The following CCDC136 variants were observed in gnomAD, a reference collection of about 807,000 sequenced individuals.
CCDC136 encodes coiled-coil domain-containing protein 136.
Under a neutral mutation model 141.2 loss-of-function variants are expected in CCDC136, and 100 were observed. That is an observed-to-expected ratio of 0.71 (90% CI 0.60 to 0.84). CCDC136 has a LOEUF of 0.84. Among genes scored for constraint, CCDC136 ranks in the 40% least tolerant of loss-of-function variants. The probability of loss-of-function intolerance (pLI) is 0.00; values close to 1 mark genes in which losing one functional copy is unlikely to be tolerated. For synonymous variants in CCDC136, 474 were observed against 531.9 expected, an observed-to-expected ratio of 0.89 and a Z score of 1.50; for missense variants, 1,206 against 1,379.4, an observed-to-expected ratio of 0.87 and a Z score of 1.99.
chr7:128,805,362 A>G lies in CCDC136; in HGVS notation c.786A>G (p.Thr262=), dbSNP rs1386979286. The G allele has an allele frequency of 1.2e-6, 2 of 1,613,598 alleles. No homozygotes were observed. Among genetic ancestry groups the G allele is most frequent in the East Asian group, 2.2e-5 (1 of 44,900 alleles). Residue 262 remains threonine, a synonymous_variant, in exon 6 of 18, where the codon ACA becomes ACG. Transcript: ENST00000297788. The surrounding 1 kb of genome is among the most constrained non-coding windows in gnomAD (Gnocchi z 4.6). ...GCTCTGCGGTTCTGAATTGCAGGAC[A>G]CAGAGAGCAACAGAGAGATGGCTGC... The part of the protein sequence containing the change: ...GQLADLESER[T]QRATERWLQS...
At chr7:128,820,297 G>T (rs962344497) in intron 17 of CCDC136, among the ~76,000 whole-genome samples, 4 of 152,208 alleles carry the variant, frequency 2.6e-5, no homozygotes, top group Admixed American at 2.0e-4. Context: ...TATCTGCAAA[G>T]ATCATAGAAA....
Position 128,817,940 on chromosome 7 carries a change from T to A in CCDC136, c.*5+76T>A. The A allele has an allele frequency of 9.5e-7, 1 of 1,054,104 alleles. No homozygotes were observed. The highest frequency in any genetic ancestry group is 1.4e-5 in the South Asian group (1 of 72,948). 65.3% of individuals were successfully genotyped at this position (1,054,104 alleles called of 1,614,324 possible). On this transcript the variant is annotated intron_variant, in intron 17 of 17. Transcript: ENST00000297788. This position sits in a 1 kb window ranked among gnomAD's most constrained non-coding sequence, Gnocchi z 4.6. Reference sequence around the variant, plus strand: ...TGCCCTGGCCTCTCCTCTTTCCCTTTTCTCCCAGCTGCTTGCTTCTTGCTT... The same window carrying A: ...TGCCCTGGCCTCTCCTCTTTCCCTTATCTCCCAGCTGCTTGCTTCTTGCTT...
In CCDC136 at chr7:128,815,713, C is replaced by G. The variant is rs4728137; in HGVS notation, c.3145C>G (p.Gln1049Glu). 1 allele frequency: 1,554,618 copies of G among 1,556,514 alleles called. 776,389 individuals are homozygous for G. Among genetic ancestry groups the G allele is most frequent in the East Asian group, 1 (41,146 of 41,146 alleles). ...AGAGGAGATGGAGGAGGAAAAAAAG[C>G]AAGTGAAAGAGGAAGCAAAGGAGCA... ...KKEEMEEEKK[Q>E]VKEEAKEQCG... The change falls in exon 16 of 18, where the codon CAA becomes GAA. Residue 1049 changes from glutamine to glutamate, a missense_variant. Gln to Glu is a conservative substitution (Grantham distance 29). Coordinates refer to ENST00000297788, the MANE Select transcript of CCDC136 (RefSeq NM_022742.5).
chr7:128,800,483 C>T (rs1030913361), intron 3 of CCDC136, among the ~76,000 whole-genome samples: 3 of 148,932 alleles, frequency 2.0e-5, no homozygotes, highest in Non-Finnish European at 4.4e-5. Flanking sequence ...TTAGCGAAGA[C>T]TGGGTTTCAC....
intron 3 of CCDC136, among the ~76,000 whole-genome samples, chr7:128,796,747 T>A (rs1381048526): frequency 0.038 from 4,181 of 110,140 alleles, 526 homozygotes; most frequent in African/African-American, 0.16. Context: ...ATATTCTTTT[T>A]TTTTTTTTTT....
At chr7:128,808,761 C>T (rs941610735) in intron 10 of CCDC136, 5 of 985,244 alleles carry the variant, frequency 5.1e-6, no homozygotes, top group Middle Eastern at 5.2e-4. Flanking sequence ...ATTTAGGAGC[C>T]CAGGTGATCT....
chr7:128,794,650 C>T lies in CCDC136; in HGVS notation c.272-44C>T, dbSNP rs542315962. 1.3e-6 allele frequency: 2 copies of T among 1,537,568 alleles called. No homozygotes were observed. The highest frequency in any genetic ancestry group is 1.4e-5 in the African/African-American group (1 of 72,524). ...AGTGCCCGGGCCCAGAGGCTCTGCACTCCCCTGGATCCGAGCTTGACACTG... is the reference window on the plus strand; with the variant it reads ...AGTGCCCGGGCCCAGAGGCTCTGCATTCCCCTGGATCCGAGCTTGACACTG... On this transcript the variant is annotated intron_variant, in intron 2 of 17. Transcript: ENST00000297788. This position sits in a 1 kb window ranked among gnomAD's most constrained non-coding sequence, Gnocchi z 4.3.
chr7:128,814,951 G>A, intron 15 of CCDC136, 32 bp downstream of exon 15: 1 of 1,514,928 alleles, frequency 6.6e-7, no homozygotes, highest in Non-Finnish European at 8.9e-7. Context: ...CAGATAAGCA[G>A]AAAGGAGGAG....
chr7:128,818,110 A>T, intron 17 of CCDC136: 1 of 443,288 alleles, frequency 2.3e-6, no homozygotes, highest in Non-Finnish European at 4.1e-6. Context: ...GTTTGTTTCA[A>T]TCCTTGGCTG....
chr7:128,793,400 T>C (rs1460896854), intron 1 of CCDC136, among the ~76,000 whole-genome samples: 2 of 152,162 alleles, frequency 1.3e-5, no homozygotes, highest in Admixed American at 1.3e-4. Flanking sequence ...GGAGACCTTG[T>C]GACATGCAGC....
At chr7:128,804,327 G>A (rs569825448) in intron 4 of CCDC136, among the ~76,000 whole-genome samples, 1 of 152,304 alleles carries the variant, frequency 6.6e-6, no homozygotes, top group South Asian at 2.1e-4. Context: ...TTTACATACA[G>A]TAAAAATTTG....
Position 128,792,336 on chromosome 7 carries a change from T to C in CCDC136, c.-76T>C. The C allele has an allele frequency of 7.5e-7, 1 of 1,328,974 alleles. No individual in the cohort carries two copies. Among genetic ancestry groups the C allele is most frequent in the South Asian group, 1.2e-5 (1 of 86,734 alleles). 82.3% of individuals were successfully genotyped at this position (1,328,974 alleles called of 1,614,324 possible). A position where few individuals can be genotyped will look rare whatever the true frequency, so the allele number is the denominator to read the frequency against. On this transcript the variant is annotated 5_prime_UTR_variant, in exon 1 of 18. Transcript: ENST00000297788. ...TGCTCTCAGGACCCACAGTGACCAC[T>C]CTAGGCTCCTATGAGGCTTCCGAGG...
chr7:128,801,979 C>A (rs538169690), intron 4 of CCDC136, among the ~76,000 whole-genome samples: 14 of 152,226 alleles, frequency 9.2e-5, no homozygotes, highest in Non-Finnish European at 1.5e-4. Context: ...CAAAGAGGGA[C>A]CTGTCACCTT....
At chr7:128,791,469 G>A, upstream of CCDC136, 2 of 1,319,162 alleles carry the variant, frequency 1.5e-6, no homozygotes, top group Non-Finnish European at 9.6e-7. This position sits in a 1 kb window ranked among gnomAD's most constrained non-coding sequence, Gnocchi z 7.1. Flanking sequence ...GCTCAGGGAG[G>A]CGGAAGGCGG....
intron 10 of CCDC136, 149 bp from the exon 11 acceptor site, chr7:128,809,301 A>G (rs2307039): frequency 0.13 from 81,675 of 610,352 alleles, 6,024 homozygotes; most frequent in East Asian, 0.24. Flanking sequence ...AAACAGCCAG[A>G]ATGCATTGTG....
intron 13 of CCDC136, 67 bp downstream of exon 13, chr7:128,812,379 GC>G: frequency 6.7e-7 from 1 of 1,494,782 alleles, no homozygotes; most frequent in Non-Finnish European, 9.0e-7. Flanking sequence ...GAGATACATC[GC>G]CAGGGGAAGG....
rs748169033 is a variant in CCDC136, at chr7:128,792,291, C to G, written c.-121C>G. 14 of 1,569,866 alleles carry G rather than the reference C, an allele frequency of 8.9e-6. No individual in the cohort carries two copies. The highest frequency in any genetic ancestry group is 1.4e-5 in the African/African-American group (1 of 73,792). On this transcript the variant is annotated 5_prime_UTR_variant, in exon 1 of 18. Coordinates refer to ENST00000297788, the MANE Select transcript of CCDC136 (RefSeq NM_022742.5). ...CCAGCCCGCAGCCAGCCCCCCACCCCCCAGCCCCTCCTTTCTCCCTGCTCT... is the reference window on the plus strand; with the variant it reads ...CCAGCCCGCAGCCAGCCCCCCACCCGCCAGCCCCTCCTTTCTCCCTGCTCT...
chr7:128,813,718 C>G (rs1806126945), intron 14 of CCDC136, among the ~76,000 whole-genome samples: 1 of 152,156 alleles, frequency 6.6e-6, no homozygotes, highest in Non-Finnish European at 1.5e-5. Flanking sequence ...CGGTGGCTCA[C>G]CCCTGTAATC....
intron 4 of CCDC136, among the ~76,000 whole-genome samples, chr7:128,803,687 A>G (rs572714468): frequency 1.2e-4 from 19 of 152,246 alleles, no homozygotes; most frequent in African/African-American, 4.1e-4. Context: ...AAGTATAGGT[A>G]TAGGTGACTG....
Sources: allele counts gnomAD v4.1 joint callset (sites outside exome capture counted in the v4.1 genomes callset), GRCh38; gene constraint gnomAD v4.1.1; non-coding constraint Gnocchi (gnomAD v3.1); transcripts MANE v1.5; gene names NCBI Gene and HGNC (gene_info 2026-07-23, HGNC 2026-07-21).